Variants in IPP observed in about 807,000 individuals in gnomAD.
IPP encodes the protein actin-binding protein IPP.
Under a neutral mutation model 64.1 loss-of-function variants are expected in IPP, and 41 were observed. The ratio of observed to expected loss-of-function variants is 0.64; its 90% confidence interval spans 0.50 to 0.83. The LOEUF (loss-of-function observed/expected upper bound fraction) is 0.83. Ranked by LOEUF, IPP falls within the 40% of genes least tolerant of loss-of-function variation. The probability of loss-of-function intolerance (pLI) is 0.00; values close to 1 mark genes in which losing one functional copy is unlikely to be tolerated. For synonymous variants in IPP, 214 were observed against 235.2 expected, an observed-to-expected ratio of 0.91 and a Z score of 0.83; for missense variants, 649 against 703.0, an observed-to-expected ratio of 0.92 and a Z score of 0.87.
At position 45,729,768 on chromosome 1, in the gene IPP, T is replaced by TC. The variant is rs1489901369; in HGVS notation, c.725dup (p.Val243SerfsTer5). On this transcript the variant is annotated frameshift_variant and splice_region_variant, in exon 4 of 9. Coordinates refer to ENST00000396478, the MANE Select transcript of IPP (RefSeq NM_005897.3). LOFTEE classifies it high-confidence loss of function. ...CAACACGAAGATTAAAATCGGATAC[T>TC]CCTAAAACAATATTTAAAAAGACAA... 1 of 1,520,758 alleles carries TC rather than the reference T, an allele frequency of 6.6e-7. No homozygotes were observed. The highest frequency in any genetic ancestry group is 1.4e-5 in the African/African-American group (1 of 71,122). 94.2% of individuals were successfully genotyped at this position (1,520,758 alleles called of 1,614,324 possible).
intron 5 of IPP, among the ~76,000 whole-genome samples, chr1:45,721,849 C>A (rs945282425): frequency 2.0e-5 from 3 of 152,080 alleles, no homozygotes; most frequent in African/African-American, 7.2e-5. Flanking sequence ...ATCACGAGGT[C>A]AGGAGTTCTA....
chr1:45,716,978 C>T lies in IPP; in HGVS notation c.1226G>A (p.Arg409Gln), dbSNP rs539941168. The T allele has an allele frequency of 1.2e-6, 2 of 1,613,016 alleles. No individual in the cohort carries two copies. The highest frequency in any genetic ancestry group is 1.7e-6 in the Non-Finnish European group (2 of 1,179,220). ...VGAEIGNTIE[R>Q]FDPDENKWEV... ...CCATTTATTTTCATCAGGATCAAAT[C>T]GTTCAATGGTGTTCCCTATCTCAGC... The change falls in exon 7 of 9, where the codon CGA (arginine) becomes CAA (glutamine). Residue 409 changes from arginine (R) to glutamine (Q), a missense_variant. Coordinates refer to ENST00000396478, the MANE Select transcript of IPP (RefSeq NM_005897.3).
intron 2 of IPP, among the ~76,000 whole-genome samples, chr1:45,745,157 C>T (rs56251392): frequency 0.17 from 26,277 of 152,094 alleles, 2,729 homozygotes; most frequent in Non-Finnish European, 0.23. Flanking sequence ...CATTGGCCTC[C>T]CGAAGTGCTG....
chr1:45,740,669 A>G (rs1290103392), intron 3 of IPP, among the ~76,000 whole-genome samples: 1 of 152,256 alleles, frequency 6.6e-6, no homozygotes, highest in Admixed American at 6.5e-5. Context: ...ATCAATCTCA[A>G]GAAAGATTTT....
At position 45,723,208 on chromosome 1, in the gene IPP, C is replaced by T. The variant is rs192382577; in HGVS notation, c.1049-3868G>A. 3.7e-3 allele frequency among the ~76,000 whole-genome samples: 564 copies of T among 151,928 alleles called. 4 individuals carry two copies. The highest frequency in any genetic ancestry group is 0.013 in the African/African-American group (527 of 41,426). On this transcript the variant is annotated intron_variant, in intron 5 of 8. Coordinates refer to ENST00000396478, the MANE Select transcript of IPP (RefSeq NM_005897.3). Reference sequence around the variant, plus strand: ...AGAAACTAAACCAAAATGTTAACTGCGATTATTCTGGGTGGTATGATTATG... The same window carrying T: ...AGAAACTAAACCAAAATGTTAACTGTGATTATTCTGGGTGGTATGATTATG...
chr1:45,744,547 A>C (rs1646109326), intron 2 of IPP, among the ~76,000 whole-genome samples: 1 of 152,154 alleles, frequency 6.6e-6, no homozygotes, highest in Admixed American at 6.6e-5. Flanking sequence ...TAATTAAAAA[A>C]AATTTTTTTT....
chr1:45,700,199 G>C lies in IPP; in HGVS notation c.1531-9C>G. 1 of 1,575,242 alleles carries C rather than the reference G, an allele frequency of 6.3e-7. No individual in the cohort carries two copies. Among genetic ancestry groups the C allele is most frequent in the Non-Finnish European group, 8.6e-7 (1 of 1,165,424 alleles). On this transcript the variant is annotated splice_polypyrimidine_tract_variant and intron_variant, in intron 8 of 8. Transcript: ENST00000396478. Reference sequence around the variant, plus strand: ...ACTTCAACCCACTTTTCCTGGTTAAGAGAGAAAAAAAAAATATGTTAGCAG... The same window carrying C: ...ACTTCAACCCACTTTTCCTGGTTAACAGAGAAAAAAAAAATATGTTAGCAG...
rs768080922 is a variant in IPP at position 45,740,902 on chromosome 1, T to G, written c.723A>C (p.Glu241Asp). 6.4e-7 allele frequency: 1 copy of G among 1,557,392 alleles called. No homozygotes were observed. The highest frequency in any genetic ancestry group is 8.7e-7 in the Non-Finnish European group (1 of 1,152,736). Reference protein sequence around the residue: ...LPPQRLLKYIEGVSDFNLRVA... With the variant: ...LPPQRLLKYIDGVSDFNLRVA... ...TTCGATATATAGCAAAAAAGTTACC[T>G]TCTATATACTTTAAAAGTCTCTGAG... Residue 241 changes from glutamate (E) to aspartate (D), a missense_variant and splice_region_variant, in exon 3 of 9, where the codon GAA (glutamate) becomes GAC (aspartate). Glu to Asp is a conservative substitution (Grantham distance 45, BLOSUM62 2). Transcript: ENST00000396478.
At chr1:45,700,927 T>TG (rs2148545468) in intron 8 of IPP, among the ~76,000 whole-genome samples, 1 of 152,282 alleles carries the variant, frequency 6.6e-6, no homozygotes, top group Admixed American at 6.5e-5. Flanking sequence ...TCCAAGAGAA[T>TG]GACACAGCAT....
At chr1:45,749,834 G>A (rs112455152) in intron 1 of IPP, among the ~76,000 whole-genome samples, 3,238 of 152,212 alleles carry the variant, frequency 0.021, 44 homozygotes, top group Non-Finnish European at 0.035. Context: ...AGGATCGCTT[G>A]AGTCCTAGAG....
intron 1 of IPP, among the ~76,000 whole-genome samples, chr1:45,748,953 C>T (rs1362495114): frequency 7.7e-6 from 1 of 129,270 alleles, no homozygotes; most frequent in Non-Finnish European, 1.6e-5. Flanking sequence ...GCCTGGGCAA[C>T]AGAGAGACTC....
chr1:45,724,125 G>A (rs1159212008), intron 5 of IPP, among the ~76,000 whole-genome samples: 1 of 148,266 alleles, frequency 6.7e-6, no homozygotes, highest in Non-Finnish European at 1.5e-5. Context: ...GCAATTGCAG[G>A]CGCGCGCCGC....
rs1182249153 is a variant in IPP at position 45,699,386 on chromosome 1, G to A, written c.*580C>T. On this transcript the variant is annotated 3_prime_UTR_variant, in exon 9 of 9. Coordinates refer to ENST00000396478, the MANE Select transcript of IPP (RefSeq NM_005897.3). ...TTGTGAATATAGAGGTCTTTAAACT[G>A]TGTCATTGACACTATTCCTATATCA... The A allele has an allele frequency of 2.0e-6, 2 of 984,878 alleles. No homozygotes were observed. Among genetic ancestry groups the A allele is most frequent in the Non-Finnish European group, 2.4e-6 (2 of 829,554 alleles). 61.0% of individuals were successfully genotyped at this position (984,878 alleles called of 1,614,324 possible).
downstream of IPP, chr1:45,696,761 CAA>C (rs1645391312): frequency 6.6e-6 from 1 of 152,354 alleles, no homozygotes; most frequent in African/African-American, 2.4e-5. Flanking sequence ...GTCTGGGCAA[CAA>C]GAGCGAAACT....
At chr1:45,726,092 A>G (rs532989393) in intron 5 of IPP, among the ~76,000 whole-genome samples, 3,562 of 147,902 alleles carry the variant, frequency 0.024, 130 homozygotes, top group African/African-American at 0.085. Flanking sequence ...CAATAAAAAA[A>G]ATAAATAAAT....
chr1:45,722,889 T>C (rs1389131022), intron 5 of IPP, among the ~76,000 whole-genome samples: 1 of 152,244 alleles, frequency 6.6e-6, no homozygotes, highest in East Asian at 1.9e-4. Flanking sequence ...CAATATTATA[T>C]GATTCCATTT....
intron 5 of IPP, among the ~76,000 whole-genome samples, chr1:45,724,272 G>A (rs957121624): frequency 2.0e-5 from 3 of 152,052 alleles, no homozygotes; most frequent in African/African-American, 7.2e-5. Flanking sequence ...ACGGAGTCTC[G>A]TTCACTCAGT....
chr1:45,718,806 C>T (rs983917843), intron 6 of IPP, among the ~76,000 whole-genome samples: 1 of 150,024 alleles, frequency 6.7e-6, no homozygotes, highest in African/African-American at 2.5e-5. Flanking sequence ...AACAATTGAA[C>T]TCATGGAGAT....
intron 2 of IPP, among the ~76,000 whole-genome samples, chr1:45,744,159 TC>T (rs1646103742): frequency 6.6e-6 from 1 of 152,190 alleles, no homozygotes; most frequent in Admixed American, 6.5e-5. Flanking sequence ...AGTTTTTCTC[TC>T]TCTCTTTTTG....
Sources: allele counts gnomAD v4.1 joint callset (sites outside exome capture counted in the v4.1 genomes callset), GRCh38; gene constraint gnomAD v4.1.1; transcripts MANE v1.5; gene names NCBI Gene and HGNC (gene_info 2026-07-23, HGNC 2026-07-21).